Variants in VPS13B observed in about 807,000 individuals in gnomAD.
VPS13B encodes the protein vacuolar protein sorting 13 homolog B.
VPS13B carries 285 observed loss-of-function variants against 426.4 expected under a neutral mutation model. The observed-to-expected ratio is 0.67, with a 90% CI of 0.61 to 0.74. The LOEUF (loss-of-function observed/expected upper bound fraction) is 0.74. Among genes scored for constraint, VPS13B ranks in the 30% least tolerant of loss-of-function variants. The pLI is 0.00. For missense variants in VPS13B, 4,537 were observed against 4,782.6 expected, an observed-to-expected ratio of 0.95 and a Z score of 1.51; for synonymous variants, 1,676 against 1,676.4, an observed-to-expected ratio of 1.00 and a Z score of 0.01.
At chr8:99,706,899 G>C (rs895868782) in intron 36 of VPS13B, among the ~76,000 whole-genome samples, 5 of 152,144 alleles carry the variant, frequency 3.3e-5, no homozygotes, top group Admixed American at 3.3e-4. Flanking sequence ...ACAGCATTTA[G>C]TGTTGCCTGT....
At chr8:99,866,374 A>G (rs1348801689) in intron 58 of VPS13B, among the ~76,000 whole-genome samples, 1 of 152,190 alleles carries the variant, frequency 6.6e-6, no homozygotes, top group Admixed American at 6.5e-5. Context: ...AGAGGTAGAT[A>G]AGGCACCTGG....
intron 30 of VPS13B, among the ~76,000 whole-genome samples, chr8:99,535,057 C>A (rs1351334999): frequency 6.6e-6 from 1 of 151,998 alleles, no homozygotes; most frequent in East Asian, 1.9e-4. Context: ...TCAGCCAGCC[C>A]CCTCATATCC....
At chr8:99,390,925 A>T (rs1245758581) in intron 20 of VPS13B, among the ~76,000 whole-genome samples, 1 of 152,196 alleles carries the variant, frequency 6.6e-6, no homozygotes, top group Non-Finnish European at 1.5e-5. Context: ...GCCCTCATGC[A>T]TTCAATAGAG....
chr8:99,765,746 T>C (rs1483271570), intron 39 of VPS13B, among the ~76,000 whole-genome samples: 1 of 152,226 alleles, frequency 6.6e-6, no homozygotes, highest in African/African-American at 2.4e-5. Flanking sequence ...GTAAGAGCTC[T>C]CTCCTATCAG....
At position 99,164,271 on chromosome 8, in the gene VPS13B, C is replaced by T. The variant is rs376087844; in HGVS notation, c.2209-5768C>T. 1.3e-4 allele frequency among the ~76,000 whole-genome samples: 20 copies of T among 152,276 alleles called. 2 individuals are homozygous for T. Among genetic ancestry groups the T allele is most frequent in the African/African-American group, 4.6e-4 (19 of 41,560 alleles). On this transcript the variant is annotated intron_variant, in intron 15 of 61. Transcript: ENST00000357162. The stretch of plus-strand genomic sequence containing the variant: ...CCAAAGGTGAGTAACAGCAAGATGG[C>T]TGCCACAGGACCTAGAAAGGGGAGA...
At chr8:99,084,665 A>G (rs961131475) in intron 3 of VPS13B, among the ~76,000 whole-genome samples, 1 of 151,986 alleles carries the variant, frequency 6.6e-6, no homozygotes, top group Non-Finnish European at 1.5e-5. Context: ...CTTTGTTCTC[A>G]TTGGTTTCAA....
rs201156173 is a variant in VPS13B, at chr8:99,819,386, T to G, written c.8622-26T>G. On this transcript the variant is annotated intron_variant, in intron 47 of 61. Coordinates refer to ENST00000357162, the MANE Select transcript of VPS13B (RefSeq NM_152564.5). The stretch of plus-strand genomic sequence containing the variant: ...ACCACTTTAGAAATCTGATAATTAT[T>G]CTTGGTTTTTATTTCAATTTCCTAG... 32 of 1,611,054 alleles carry G rather than the reference T, an allele frequency of 2.0e-5. No individual in the cohort carries two copies. The Admixed American group carries it at 5.3e-4, about 27-fold the overall frequency.
intron 35 of VPS13B, among the ~76,000 whole-genome samples, chr8:99,687,362 G>T (rs1011149504): frequency 3.3e-5 from 5 of 152,082 alleles, no homozygotes; most frequent in African/African-American, 1.2e-4. Context: ...TGGATTGCAT[G>T]CCCCCCAAGT....
At chr8:99,056,699 C>T (rs955512825) in intron 3 of VPS13B, among the ~76,000 whole-genome samples, 2 of 152,110 alleles carry the variant, frequency 1.3e-5, no homozygotes, top group Non-Finnish European at 2.9e-5. Flanking sequence ...CTCATTCCTC[C>T]ATCCAGTGGA....
intron 23 of VPS13B, among the ~76,000 whole-genome samples, chr8:99,448,121 TTTTA>T (rs149574664): frequency 0.17 from 24,784 of 141,676 alleles, 2,238 homozygotes; most frequent in East Asian, 0.29. Context: ...GTGGTTTTAT[TTTTA>T]TTTATTTATT....
intron 34 of VPS13B, among the ~76,000 whole-genome samples, chr8:99,659,369 T>C (rs1038525679): frequency 6.6e-6 from 1 of 152,192 alleles, no homozygotes; most frequent in Non-Finnish European, 1.5e-5. Context: ...CCTTTTCTTT[T>C]ACTGTCACAT....
intron 4 of VPS13B, among the ~76,000 whole-genome samples, chr8:99,099,673 T>C (rs1011765019): frequency 2.0e-5 from 3 of 152,112 alleles, no homozygotes; most frequent in Admixed American, 6.6e-5. Flanking sequence ...ATGGAGGACA[T>C]TGGAGAAGAC....
At chr8:99,568,726 ATGTT>A (rs1483102913) in intron 31 of VPS13B, among the ~76,000 whole-genome samples, 1 of 152,100 alleles carries the variant, frequency 6.6e-6, no homozygotes, top group Non-Finnish European at 1.5e-5. Flanking sequence ...TTTATAATAA[ATGTT>A]TGGGAATGTT....
intron 24 of VPS13B, among the ~76,000 whole-genome samples, chr8:99,473,314 G>T (rs1036924000): frequency 1.3e-5 from 2 of 151,810 alleles, no homozygotes; most frequent in African/African-American, 4.8e-5. Flanking sequence ...TATATTATAC[G>T]TAATGGCCAA....
Position 99,299,154 on chromosome 8 carries a change from T to C in VPS13B, c.2824+23900T>C, listed in dbSNP as rs950701993. On this transcript the variant is annotated intron_variant, in intron 19 of 61. Transcript: ENST00000357162. ...TTGGCTCACTGCAACCTCAGCCTCC[T>C]GGGTTCAAGCGATTCTCCTGCCTCA... is the stretch of plus-strand genomic sequence containing the variant. 8.8e-5 allele frequency among the ~76,000 whole-genome samples: 13 copies of C among 147,278 alleles called. 1 individual carries two copies. The South Asian group carries it at 2.7e-3, about 30-fold the overall frequency.
intron 23 of VPS13B, among the ~76,000 whole-genome samples, chr8:99,447,358 G>A (rs1400560072): frequency 2.6e-5 from 4 of 152,156 alleles, no homozygotes; most frequent in East Asian, 3.8e-4. Context: ...TTCTGGCAGC[G>A]TTTGTGAGAG....
intron 17 of VPS13B, among the ~76,000 whole-genome samples, chr8:99,217,618 A>G (rs1815460007): frequency 1.3e-5 from 2 of 152,214 alleles, no homozygotes; most frequent in African/African-American, 2.4e-5. Flanking sequence ...TTGGTAATAT[A>G]GTTTTGAATC....
At chr8:99,587,856 T>A (rs1388713652) in intron 33 of VPS13B, among the ~76,000 whole-genome samples, 1 of 151,862 alleles carries the variant, frequency 6.6e-6, no homozygotes, top group Non-Finnish European at 1.5e-5. Flanking sequence ...CTGGCTTTTG[T>A]TGTCATTGCT....
chr8:99,298,737 C>T (rs1463744331), intron 19 of VPS13B, among the ~76,000 whole-genome samples: 5 of 152,204 alleles, frequency 3.3e-5, no homozygotes, highest in African/African-American at 1.2e-4. Flanking sequence ...TCAGGCAAAC[C>T]TGTTTTCAGA....
Sources: gnomAD v4.1 joint callset for allele counts (sites outside exome capture counted in the v4.1 genomes callset) on GRCh38, gnomAD v4.1.1 for gene constraint, MANE v1.5 for transcripts, NCBI Gene and HGNC (gene_info 2026-07-23, HGNC 2026-07-21) for gene names.